Variants in ARL15 observed in about 807,000 individuals in gnomAD.
ARL15 encodes the protein ADP-ribosylation factor-like protein 15.
ARL15 carries 19 observed loss-of-function variants against 25.2 expected under a neutral mutation model. That is an observed-to-expected ratio of 0.75 (90% CI 0.53 to 1.10). The LOEUF (loss-of-function observed/expected upper bound fraction) is 1.10, where lower values mean the gene tolerates loss of function less well. Ranked by LOEUF, ARL15 falls within the 50% of genes least tolerant of loss-of-function variation. The pLI is 0.00. For synonymous variants in ARL15, 94 were observed against 86.8 expected (o/e 1.08, Z -0.46); for missense variants, 220 against 246.0 (o/e 0.89, Z 0.71).
Position 54,077,439 on chromosome 5 carries a change from A to T in ARL15, c.462+35763T>A, listed in dbSNP as rs1021517308. ...AAATTTATGGAAGCATTCCCCCAGA[A>T]AAATGAACGCAGACACTGAGCCATA... On this transcript the variant is annotated intron_variant, in intron 4 of 4. Coordinates refer to ENST00000504924, the MANE Select transcript of ARL15 (RefSeq NM_019087.3). 2.0e-5 allele frequency among the ~76,000 whole-genome samples: 3 copies of T among 152,194 alleles called. No individual in the cohort carries two copies. The East Asian group carries it at 5.8e-4, about 29-fold the overall frequency.
At chr5:53,910,633 T>TTATATATATATAGATATA (rs1745421132) in intron 4 of ARL15, among the ~76,000 whole-genome samples, 1 of 55,018 alleles carries the variant, frequency 1.8e-5, no homozygotes, top group Non-Finnish European at 3.4e-5. Context: ...TAAAAAAAAA[T>TTATATATATATAGATATA]TATATATATA....
intron 3 of ARL15, among the ~76,000 whole-genome samples, chr5:54,126,835 TA>T (rs1267619616): frequency 1.3e-5 from 2 of 152,094 alleles, no homozygotes; most frequent in East Asian, 3.9e-4. Flanking sequence ...TGTATTTTTT[TA>T]ATTTATTTTT....
chr5:54,007,095 T>C (rs1304771134), intron 4 of ARL15, among the ~76,000 whole-genome samples: 1 of 152,170 alleles, frequency 6.6e-6, no homozygotes, highest in African/African-American at 2.4e-5. Flanking sequence ...GAAAGTCAAA[T>C]TTTTAATTGG....
Position 54,025,170 on chromosome 5 carries a change from G to A in ARL15, c.462+88032C>T, listed in dbSNP as rs147083702. 5.2e-3 allele frequency among the ~76,000 whole-genome samples: 790 copies of A among 151,916 alleles called. 6 individuals carry two copies. Among genetic ancestry groups the A allele is most frequent in the Non-Finnish European group, 8.0e-3 (547 of 67,958 alleles). On this transcript the variant is annotated intron_variant, in intron 4 of 4. Transcript: ENST00000504924. ...GGAAATGAAACAATCCTTTCTTTGT[G>A]GAACAAATGGAAAGTGAGGATAGCG...
At chr5:53,913,973 C>T (rs1745546667) in intron 4 of ARL15, among the ~76,000 whole-genome samples, 1 of 152,120 alleles carries the variant, frequency 6.6e-6, no homozygotes, top group Non-Finnish European at 1.5e-5. Context: ...AGCTTCTTCC[C>T]TCCTGAAATC....
At chr5:54,212,308 G>A (rs1756065596) in intron 1 of ARL15, among the ~76,000 whole-genome samples, 1 of 152,148 alleles carries the variant, frequency 6.6e-6, no homozygotes, top group South Asian at 2.1e-4. Context: ...AGTAAGAAGG[G>A]CACATCAGCT....
intron 4 of ARL15, among the ~76,000 whole-genome samples, chr5:53,982,013 T>C (rs756577458): frequency 4.3e-4 from 65 of 152,030 alleles, no homozygotes; most frequent in Non-Finnish European, 8.7e-4. Context: ...GTAGGGCAGG[T>C]TTCAAGAGCG....
At chr5:53,927,418 C>G (rs960717565) in intron 4 of ARL15, among the ~76,000 whole-genome samples, 1 of 152,158 alleles carries the variant, frequency 6.6e-6, no homozygotes. Context: ...GCTAAAAGCT[C>G]TCATTCGTAA....
At position 54,055,463 on chromosome 5, in the gene ARL15, C is replaced by T. The variant is rs1034229515; in HGVS notation, c.462+57739G>A. Reference sequence around the variant, plus strand: ...GCAACCTCCATCTCCCGGGTTCAAGCGATTCTCCTGCCTCAGCCTCCCAAG... The same window carrying T: ...GCAACCTCCATCTCCCGGGTTCAAGTGATTCTCCTGCCTCAGCCTCCCAAG... On this transcript the variant is annotated intron_variant, in intron 4 of 4. Coordinates refer to ENST00000504924, the MANE Select transcript of ARL15 (RefSeq NM_019087.3). 5.4e-5 allele frequency among the ~76,000 whole-genome samples: 8 copies of T among 147,686 alleles called. No individual in the cohort carries two copies. The East Asian group carries it at 6.0e-4, about 11-fold the overall frequency.
At chr5:54,116,193 C>T in intron 3 of ARL15, among the ~76,000 whole-genome samples, 1 of 152,112 alleles carries the variant, frequency 6.6e-6, no homozygotes. Flanking sequence ...TCATAATCTC[C>T]CAAACATATT....
At chr5:54,303,636 T>C (rs1270048025) in intron 1 of ARL15, among the ~76,000 whole-genome samples, 3 of 113,850 alleles carry the variant, frequency 2.6e-5, no homozygotes, top group Admixed American at 1.2e-4. Flanking sequence ...CCAGCCTGGA[T>C]GACAGAGTGA....
At chr5:54,019,921 G>C (rs1349896723) in intron 4 of ARL15, among the ~76,000 whole-genome samples, 1 of 152,140 alleles carries the variant, frequency 6.6e-6, no homozygotes, top group African/African-American at 2.4e-5. Context: ...AGCACACTTT[G>C]CAATTATTCT....
chr5:53,971,900 C>T (rs1747765813), intron 4 of ARL15, among the ~76,000 whole-genome samples: 1 of 151,940 alleles, frequency 6.6e-6, no homozygotes. Context: ...GTTCATTTTC[C>T]CAAATAAGCC....
At chr5:54,107,313 T>G (rs1055195290) in intron 4 of ARL15, among the ~76,000 whole-genome samples, 1 of 152,136 alleles carries the variant, frequency 6.6e-6, no homozygotes, top group Non-Finnish European at 1.5e-5. Context: ...ACAGCCAAAC[T>G]ACATCAGGGG....
chr5:54,061,716 G>C (rs1436993713), intron 4 of ARL15, among the ~76,000 whole-genome samples: 8 of 152,244 alleles, frequency 5.3e-5, no homozygotes, highest in Non-Finnish European at 1.2e-4. Context: ...TACAGGGGCA[G>C]GGCTCTCATG....
At chr5:54,114,258 C>T (rs762860168) in intron 3 of ARL15, among the ~76,000 whole-genome samples, 64 of 151,550 alleles carry the variant, frequency 4.2e-4, no homozygotes, top group South Asian at 1.3e-3. Context: ...ATTAGCCGGG[C>T]GTGGCGGCGG....
rs1381554135 is a variant in ARL15 at position 53,884,902 on chromosome 5, A to C, written c.*1659T>G. ...TGCTGCTCAGGGATTACACAGTGTT[A>C]AAAATATTCAAGAATGCTGCAGACA... On this transcript the variant is annotated 3_prime_UTR_variant, in exon 5 of 5. Transcript: ENST00000504924. The C allele has an allele frequency of 3.3e-5, 5 of 152,598 alleles. No individual in the cohort carries two copies. Among genetic ancestry groups the C allele is most frequent in the African/African-American group, 4.8e-5 (2 of 41,436 alleles). 9.5% of individuals were successfully genotyped at this position (152,598 alleles called of 1,614,324 possible). A position where few individuals can be genotyped will look rare whatever the true frequency, so the allele number is the denominator to read the frequency against.
intron 1 of ARL15, among the ~76,000 whole-genome samples, chr5:54,185,701 T>G (rs144821888): frequency 7.2e-4 from 110 of 152,246 alleles, no homozygotes; most frequent in African/African-American, 2.5e-3. Flanking sequence ...GAGTAGCAAA[T>G]AAGGTACTAT....
intron 4 of ARL15, among the ~76,000 whole-genome samples, chr5:53,988,232 C>G (rs1748360353): frequency 6.7e-6 from 1 of 149,268 alleles, no homozygotes; most frequent in Non-Finnish European, 1.5e-5. Context: ...GGAGGTCTAG[C>G]TAGGCTGCAG....
Sources: allele counts gnomAD v4.1 joint callset (sites outside exome capture counted in the v4.1 genomes callset), GRCh38; gene constraint gnomAD v4.1.1; transcripts MANE v1.5; gene names NCBI Gene and HGNC (gene_info 2026-07-23, HGNC 2026-07-21).